CHODL: variants seen among roughly 807,000 people sequenced by gnomAD.
CHODL encodes chondrolectin, also known as transmembrane protein MT75.
CHODL carries 29 observed loss-of-function variants against 34.5 expected under a neutral mutation model. The observed-to-expected ratio is 0.84, with a 90% CI of 0.63 to 1.15. The LOEUF is 1.15. Ranked by LOEUF, CHODL falls within the 50% of genes most tolerant of loss-of-function variation. CHODL has a pLI of 0.00. For missense variants in CHODL, 332 were observed against 332.5 expected (o/e 1.00, Z 0.01); for synonymous variants, 125 against 116.1 (o/e 1.08, Z -0.49).
chr21:18,050,983 G>C (rs143153470), intron 2 of CHODL, among the ~76,000 whole-genome samples: 4,331 of 151,426 alleles, frequency 0.029, 176 homozygotes, highest in African/African-American at 0.099. Flanking sequence ...GAACGTGTAG[G>C]TTTGTTACAT....
chr21:18,003,424 A>C (rs922297462), intron 1 of CHODL, among the ~76,000 whole-genome samples: 6 of 149,684 alleles, frequency 4.0e-5, no homozygotes, highest in Non-Finnish European at 7.4e-5. Context: ...TAATATATTA[A>C]TCTAAAATAT....
chr21:17,951,559 G>A (rs1472291863), intron 1 of CHODL, among the ~76,000 whole-genome samples: 2 of 152,138 alleles, frequency 1.3e-5, no homozygotes, highest in Non-Finnish European at 2.9e-5. Context: ...CCACATGTTA[G>A]ATTTAGCAGG....
intron 2 of CHODL, among the ~76,000 whole-genome samples, chr21:18,052,458 A>G (rs572619796): frequency 2.6e-5 from 4 of 152,080 alleles, no homozygotes; most frequent in South Asian, 4.1e-4. Flanking sequence ...ATAGCCTGGC[A>G]TCTTCTTTTG....
At chr21:18,176,529 C>T (rs888707648) in intron 2 of CHODL, among the ~76,000 whole-genome samples, 1 of 152,132 alleles carries the variant, frequency 6.6e-6, no homozygotes, top group African/African-American at 2.4e-5. Context: ...CATTGCCTCC[C>T]TTGTGTTGGC....
At chr21:18,076,881 C>G (rs2064873134) in intron 2 of CHODL, among the ~76,000 whole-genome samples, 1 of 152,210 alleles carries the variant, frequency 6.6e-6, no homozygotes, top group Non-Finnish European at 1.5e-5. Flanking sequence ...CCCCAGGGAG[C>G]TGTGGTCTCC....
rs534016612 is a variant in CHODL at position 18,065,253 on chromosome 21, T to G, written c.-45+37282T>G. 2.6e-5 allele frequency among the ~76,000 whole-genome samples: 4 copies of G among 152,358 alleles called. No homozygotes were observed. In the South Asian group the frequency reaches 8.3e-4, roughly 32 times the overall value. On this transcript the variant is annotated intron_variant, in intron 2 of 6. Transcript: ENST00000400127. Reference sequence around the variant, plus strand: ...AACAATTAGCAGTCCTGCATTGGAATAGGCATTATAAGGTACTATATGCCT... The same window carrying G: ...AACAATTAGCAGTCCTGCATTGGAAGAGGCATTATAAGGTACTATATGCCT...
At chr21:18,193,521 C>T (rs781467852) in intron 2 of CHODL, among the ~76,000 whole-genome samples, 1 of 151,602 alleles carries the variant, frequency 6.6e-6, no homozygotes, top group Non-Finnish European at 1.5e-5. Context: ...TGGTGAAACC[C>T]AGTCTCTACT....
At chr21:18,054,800 A>C (rs2064558669) in intron 2 of CHODL, among the ~76,000 whole-genome samples, 1 of 151,988 alleles carries the variant, frequency 6.6e-6, no homozygotes, top group African/African-American at 2.4e-5. Flanking sequence ...TGTGCCCCAC[A>C]AATATATATA....
intron 2 of CHODL, among the ~76,000 whole-genome samples, chr21:18,084,929 G>GTGTGTGTC (rs958597452): frequency 6.8e-6 from 1 of 147,316 alleles, no homozygotes; most frequent in East Asian, 1.9e-4. Context: ...TAGTGTGTGT[G>GTGTGTGTC]TGTGTGTGTG....
chr21:18,265,273 G>A (rs904935795), intron 5 of CHODL, among the ~76,000 whole-genome samples: 2 of 119,532 alleles, frequency 1.7e-5, no homozygotes, highest in South Asian at 2.3e-4. Context: ...ATATATATAT[G>A]TGTGTGTATA....
intron 2 of CHODL, among the ~76,000 whole-genome samples, chr21:18,125,436 T>C: frequency 6.6e-6 from 1 of 152,094 alleles, no homozygotes; most frequent in Non-Finnish European, 1.5e-5. Flanking sequence ...AAATATAGAA[T>C]ATAAAATCAT....
intron 2 of CHODL, among the ~76,000 whole-genome samples, chr21:18,149,831 C>T (rs140365805): frequency 1.4e-4 from 21 of 152,166 alleles, no homozygotes; most frequent in Admixed American, 6.5e-4. Flanking sequence ...GTAGACTGGA[C>T]GGCGCATAAA....
intron 1 of CHODL, among the ~76,000 whole-genome samples, chr21:18,248,187 T>C (rs2074167307): frequency 6.6e-6 from 1 of 151,878 alleles, no homozygotes; most frequent in Non-Finnish European, 1.5e-5. Context: ...GACTGGGTGA[T>C]TTAGAGGCCT....
intron 2 of CHODL, among the ~76,000 whole-genome samples, chr21:18,220,553 C>T (rs1363681929): frequency 2.0e-5 from 3 of 152,070 alleles, no homozygotes; most frequent in African/African-American, 7.2e-5. Context: ...TCTTTCATTT[C>T]CAGATATAGG....
intron 2 of CHODL, among the ~76,000 whole-genome samples, chr21:18,169,822 C>G (rs951986466): frequency 1.3e-5 from 2 of 151,984 alleles, no homozygotes; most frequent in East Asian, 3.8e-4. Context: ...TTTCACCCAT[C>G]TCAAAGTTTT....
intron 2 of CHODL, among the ~76,000 whole-genome samples, chr21:18,183,974 C>A (rs2073411957): frequency 6.6e-6 from 1 of 152,024 alleles, no homozygotes; most frequent in African/African-American, 2.4e-5. Flanking sequence ...TTTAAAAAAA[C>A]CTCATTAAAA....
At chr21:18,167,599 G>A (rs1380864791) in intron 2 of CHODL, among the ~76,000 whole-genome samples, 3 of 151,984 alleles carry the variant, frequency 2.0e-5, no homozygotes, top group Non-Finnish European at 1.5e-5. Context: ...GTGAGCCACC[G>A]TGCCCGGCCT....
intron 3 of CHODL, among the ~76,000 whole-genome samples, chr21:18,258,239 G>T (rs895464046): frequency 6.6e-6 from 1 of 151,614 alleles, no homozygotes; most frequent in Non-Finnish European, 1.5e-5. Context: ...TGCTAAACCC[G>T]TCATTACCCT....
chr21:17,938,308 G>C (rs892899402), intron 1 of CHODL, among the ~76,000 whole-genome samples: 7 of 151,756 alleles, frequency 4.6e-5, no homozygotes, highest in African/African-American at 1.7e-4. Flanking sequence ...GCAAGGTTCT[G>C]TTTTCCTATT....
Sources: gnomAD v4.1 joint callset for allele counts (sites outside exome capture counted in the v4.1 genomes callset) on GRCh38, gnomAD v4.1.1 for gene constraint, MANE v1.5 for transcripts, NCBI Gene and HGNC (gene_info 2026-07-23, HGNC 2026-07-21) for gene names.